RAB27B: variants seen among roughly 807,000 people sequenced by gnomAD.
RAB27B encodes the protein RAB27B, member RAS oncogene family, also known as ras-related protein Rab-27B.
Under a neutral mutation model 24.6 loss-of-function variants are expected in RAB27B, and 15 were observed. The observed-to-expected ratio is 0.61, with a 90% CI of 0.41 to 0.94. The LOEUF is 0.94. Among genes scored for constraint, RAB27B ranks in the 40% least tolerant of loss-of-function variants. The probability of loss-of-function intolerance (pLI) is 0.00; values close to 1 mark genes in which losing one functional copy is unlikely to be tolerated. For missense variants in RAB27B, 261 were observed against 266.8 expected (o/e 0.98, Z 0.15); for synonymous variants, 105 against 92.5 (o/e 1.14, Z -0.78).
chr18:54,852,880 T>G (rs1384765023), intron 1 of RAB27B, among the ~76,000 whole-genome samples: 1 of 152,208 alleles, frequency 6.6e-6, no homozygotes, highest in East Asian at 1.9e-4. Flanking sequence ...TTGTTTCTCT[T>G]CCTTTATGGA....
At chr18:54,885,459 A>G (rs1568116312) in intron 4 of RAB27B, among the ~76,000 whole-genome samples, 1 of 152,140 alleles carries the variant, frequency 6.6e-6, no homozygotes, top group Non-Finnish European at 1.5e-5. Flanking sequence ...ACTAGCCTTC[A>G]GCCAAACTGC....
At chr18:54,771,388 G>A (rs1205986103) in intron 2 of RAB27B, among the ~76,000 whole-genome samples, 1 of 152,108 alleles carries the variant, frequency 6.6e-6, no homozygotes, top group East Asian at 1.9e-4. Flanking sequence ...GCTAGATTGC[G>A]ACTGGACTCA....
intron 2 of RAB27B, among the ~76,000 whole-genome samples, chr18:54,760,457 G>C (rs1908150125): frequency 6.6e-6 from 1 of 152,022 alleles, no homozygotes; most frequent in Non-Finnish European, 1.5e-5. Flanking sequence ...TGCTATGAAG[G>C]GTTTTATATA....
intron 1 of RAB27B, among the ~76,000 whole-genome samples, chr18:54,869,872 AT>A (rs933993750): frequency 6.6e-6 from 1 of 152,240 alleles, no homozygotes; most frequent in Non-Finnish European, 1.5e-5. Flanking sequence ...GAATTCCTAG[AT>A]GAAATGGTTA....
chr18:54,811,143 A>T (rs1396866437), intron 2 of RAB27B, among the ~76,000 whole-genome samples: 4 of 152,058 alleles, frequency 2.6e-5, no homozygotes, highest in Admixed American at 1.3e-4. Flanking sequence ...CACTCTTGAG[A>T]AATAAGTTTC....
chr18:54,873,786 TA>T (rs1912580553), intron 1 of RAB27B, among the ~76,000 whole-genome samples: 2 of 151,498 alleles, frequency 1.3e-5, no homozygotes, highest in African/African-American at 4.9e-5. Context: ...AGTAGTGATA[TA>T]AAAAATAAGA....
At chr18:54,821,884 G>T (rs2145168145) in intron 2 of RAB27B, among the ~76,000 whole-genome samples, 1 of 152,298 alleles carries the variant, frequency 6.6e-6, no homozygotes, top group South Asian at 2.1e-4. Flanking sequence ...CTCCCGAGTA[G>T]CTGGGATTAC....
chr18:54,782,087 C>G (rs950652958), intron 2 of RAB27B, among the ~76,000 whole-genome samples: 1 of 152,148 alleles, frequency 6.6e-6, no homozygotes, highest in Non-Finnish European at 1.5e-5. Context: ...ATTATTTACT[C>G]TTGGCTATCA....
At chr18:54,783,658 A>G (rs917832748) in intron 2 of RAB27B, among the ~76,000 whole-genome samples, 2 of 152,282 alleles carry the variant, frequency 1.3e-5, no homozygotes, top group East Asian at 3.9e-4. Context: ...ACGGGTGTCT[A>G]ATGGAAACCC....
chr18:54,884,441 G>A lies in RAB27B; in HGVS notation c.343+5G>A. ...TAAATGTCAGAAACTGGATGAGTAA[G>A]TGGGACTGAGTAATGTGCATTGGCC... is the stretch of plus-strand genomic sequence containing the variant. On this transcript the variant is annotated splice_donor_5th_base_variant and intron_variant, in intron 4 of 5. Transcript: ENST00000262094. The A allele has an allele frequency of 6.3e-7, 1 of 1,584,582 alleles. No individual in the cohort carries two copies. The highest frequency in any genetic ancestry group is 1.7e-4 in the Middle Eastern group (1 of 5,994).
At position 54,893,900 on chromosome 18, in the gene RAB27B, C is replaced by T. The variant is rs181634199; in HGVS notation, c.*4487C>T. On this transcript the variant is annotated 3_prime_UTR_variant, in exon 6 of 6. Transcript: ENST00000262094. ...GTCCGAATAAAGAAAGACCTAGTAA[C>T]AGATAGTTTTTTTTTGTTCATTTTC... 2 of 151,910 alleles carry T rather than the reference C, an allele frequency of 1.3e-5. No individual in the cohort carries two copies. Among genetic ancestry groups the T allele is most frequent in the African/African-American group, 4.8e-5 (2 of 41,406 alleles). The allele number at this position is 151,910 out of a possible 1,614,324, so 9.4% of individuals were successfully genotyped here. A position where few individuals can be genotyped will look rare whatever the true frequency, so the allele number is the denominator to read the frequency against.
intron 2 of RAB27B, chr18:54,744,669 A>T (rs1181178633): frequency 1.3e-5 from 2 of 152,254 alleles, no homozygotes; most frequent in Non-Finnish European, 2.9e-5. Context: ...AAATAATAGT[A>T]GCCTTTCCAT....
chr18:54,745,107 C>A, intron 2 of RAB27B: 1 of 167,276 alleles, frequency 6.0e-6, no homozygotes, highest in South Asian at 1.3e-4. Flanking sequence ...GGAGCTGCGT[C>A]TGCTGGTGGT....
intron 1 of RAB27B, among the ~76,000 whole-genome samples, chr18:54,858,377 GTTTTTTTTTT>G (rs4071703): frequency 1.6e-5 from 2 of 127,852 alleles, no homozygotes; most frequent in African/African-American, 3.0e-5. Flanking sequence ...CAGGAAAACT[GTTTTTTTTTT>G]TTTTTTTTTT....
chr18:54,806,562 A>G (rs2311117), intron 2 of RAB27B, among the ~76,000 whole-genome samples: 33,720 of 147,880 alleles, frequency 0.23, 4,100 homozygotes, highest in East Asian at 0.4. Flanking sequence ...CCACAATTAT[A>G]TATTATTTAT....
chr18:54,814,803 A>T (rs1910071861), intron 2 of RAB27B, among the ~76,000 whole-genome samples: 1 of 152,234 alleles, frequency 6.6e-6, no homozygotes, highest in Non-Finnish European at 1.5e-5. Context: ...TTACTTGAGT[A>T]TATATACTAC....
At chr18:54,870,735 C>G (rs1912429491) in intron 1 of RAB27B, among the ~76,000 whole-genome samples, 1 of 152,176 alleles carries the variant, frequency 6.6e-6, no homozygotes, top group Non-Finnish European at 1.5e-5. Flanking sequence ...GCCAACTTAA[C>G]AACCTTCTGT....
At chr18:54,758,188 A>C (rs1272724842) in intron 2 of RAB27B, among the ~76,000 whole-genome samples, 1 of 152,182 alleles carries the variant, frequency 6.6e-6, no homozygotes, top group African/African-American at 2.4e-5. Flanking sequence ...GAGGTATGAC[A>C]ATTAAGATTG....
At chr18:54,794,198 A>G (rs932812590) in intron 2 of RAB27B, among the ~76,000 whole-genome samples, 1 of 152,210 alleles carries the variant, frequency 6.6e-6, no homozygotes, top group African/African-American at 2.4e-5. Context: ...AATTAAGTAA[A>G]TTAATATATA....
Sources: allele counts gnomAD v4.1 joint callset (sites outside exome capture counted in the v4.1 genomes callset), GRCh38; gene constraint gnomAD v4.1.1; transcripts MANE v1.5; gene names NCBI Gene and HGNC (gene_info 2026-07-23, HGNC 2026-07-21).